PIEZO2: variants seen among roughly 807,000 people sequenced by gnomAD.
PIEZO2 encodes piezo type mechanosensitive ion channel component 2.
A neutral mutation model predicts 337.3 loss-of-function variants in PIEZO2; 172 were observed. The observed-to-expected ratio is 0.51, with a 90% confidence interval of 0.45 to 0.58. The LOEUF is 0.58. Ranked by LOEUF, PIEZO2 falls within the 20% of genes least tolerant of loss-of-function variation. The pLI is 0.00. For synonymous variants in PIEZO2, 1,251 were observed against 1,228.5 expected (o/e 1.02, Z -0.38); for missense variants, 3,028 against 3,391.3 (o/e 0.89, Z 2.66).
At chr18:11,121,216 C>G (rs947510694) in intron 1 of PIEZO2, among the ~76,000 whole-genome samples, 1 of 150,876 alleles carries the variant, frequency 6.6e-6, no homozygotes, top group African/African-American at 2.4e-5. Flanking sequence ...CGGGCCACTG[C>G]GTTCCATCCT....
intron 4 of PIEZO2, among the ~76,000 whole-genome samples, chr18:10,909,909 G>A (rs1164681895): frequency 6.6e-6 from 1 of 152,192 alleles, no homozygotes; most frequent in Non-Finnish European, 1.5e-5. Flanking sequence ...AGCAAACAGC[G>A]ATGGTGCTGA....
At chr18:10,957,579 A>G (rs994513723) in intron 3 of PIEZO2, among the ~76,000 whole-genome samples, 6 of 152,190 alleles carry the variant, frequency 3.9e-5, no homozygotes, top group Admixed American at 2.0e-4. Flanking sequence ...AAGAAAAAAT[A>G]AGGAAAAAGC....
intron 8 of PIEZO2, among the ~76,000 whole-genome samples, chr18:10,804,811 A>G (rs1168166535): frequency 2.0e-5 from 3 of 152,162 alleles, no homozygotes; most frequent in Admixed American, 2.0e-4. Context: ...CATTAAATGC[A>G]CCAGGTCACC....
At chr18:10,951,815 T>TATC (rs1172309465) in intron 3 of PIEZO2, among the ~76,000 whole-genome samples, 1 of 152,208 alleles carries the variant, frequency 6.6e-6, no homozygotes, top group African/African-American at 2.4e-5. Flanking sequence ...GTAGCTTACT[T>TATC]ATCTATCATT....
At chr18:11,061,377 T>C (rs1434223907) in intron 2 of PIEZO2, among the ~76,000 whole-genome samples, 1 of 150,408 alleles carries the variant, frequency 6.6e-6, no homozygotes, top group Non-Finnish European at 1.5e-5. Flanking sequence ...ACCACTCCTA[T>C]TCAACATAGT....
At chr18:10,967,017 TG>T (rs199847159) in intron 3 of PIEZO2, among the ~76,000 whole-genome samples, 2,708 of 137,338 alleles carry the variant, frequency 0.02, 206 homozygotes, top group African/African-American at 0.071. Flanking sequence ...CTCTGTTTTT[TG>T]TTTTTTTTTT....
intron 51 of PIEZO2, 83 bp downstream of exon 51, chr18:10,681,578 C>A: frequency 1.7e-6 from 2 of 1,179,938 alleles, no homozygotes; most frequent in Non-Finnish European, 1.2e-6. Flanking sequence ...CCACCTCAGG[C>A]CATGGCAAAG....
At chr18:10,858,009 T>C (rs76126403) in intron 5 of PIEZO2, among the ~76,000 whole-genome samples, 3 of 137,194 alleles carry the variant, frequency 2.2e-5, no homozygotes, top group South Asian at 2.2e-4. Flanking sequence ...TTCTTTCTTT[T>C]TTTTTTTTTT....
At chr18:10,808,398 C>A (rs200907535) in intron 7 of PIEZO2, among the ~76,000 whole-genome samples, 1 of 151,846 alleles carries the variant, frequency 6.6e-6, no homozygotes, top group African/African-American at 2.4e-5. Flanking sequence ...AGCCTGTTTG[C>A]ACTTTTATAT....
At chr18:10,905,690 G>T (rs1214654730) in intron 4 of PIEZO2, among the ~76,000 whole-genome samples, 1 of 151,896 alleles carries the variant, frequency 6.6e-6, no homozygotes, top group Non-Finnish European at 1.5e-5. Flanking sequence ...AGTACTGTGA[G>T]TTGTAGTGAC....
chr18:11,020,818 C>G lies in PIEZO2; in HGVS notation c.161-41158G>C, dbSNP rs138244313. On this transcript the variant is annotated intron_variant, in intron 2 of 55. Transcript: ENST00000674853. ...GAGAGCTTTCGGAATACTTGACATT[C>G]GTTGTTTTATAAGAAAGTTACTGTT... Among the ~76,000 whole-genome samples the G allele has an allele frequency of 3.0e-3, 451 of 152,294 alleles. 3 individuals carry two copies. Among genetic ancestry groups the G allele is most frequent in the African/African-American group, 0.01 (419 of 41,564 alleles).
chr18:10,836,810 CT>C (rs2041028839), intron 7 of PIEZO2, among the ~76,000 whole-genome samples: 1 of 152,182 alleles, frequency 6.6e-6, no homozygotes, highest in Non-Finnish European at 1.5e-5. Context: ...TGAACTGGAT[CT>C]CTTAAGGGGA....
At chr18:10,760,855 A>T in intron 24 of PIEZO2, 56 bp downstream of exon 24, 1 of 1,408,318 alleles carries the variant, frequency 7.1e-7, no homozygotes, top group South Asian at 1.3e-5. Context: ...GGCCAGAAGC[A>T]GTTCTTTGAA....
intron 27 of PIEZO2, 122 bp downstream of exon 27, chr18:10,757,847 A>G: frequency 9.4e-7 from 1 of 1,067,860 alleles, no homozygotes; most frequent in Non-Finnish European, 1.3e-6. Context: ...AGCATTTATT[A>G]ACTTCAGTGT....
At position 10,691,373 on chromosome 18, in the gene PIEZO2, G is replaced by C. The variant is rs1321201971; in HGVS notation, c.7201C>G (p.Gln2401Glu). 1 of 1,612,060 alleles carries C rather than the reference G, an allele frequency of 6.2e-7. No individual in the cohort carries two copies. Among genetic ancestry groups the C allele is most frequent in the Non-Finnish European group, 8.5e-7 (1 of 1,179,304 alleles). Residue 2401 changes from glutamine (Q) to glutamate (E), a missense_variant, in exon 48 of 56, where the codon CAG becomes GAG. This residue lies in a region of PIEZO2 where 179 missense variants were observed against 281.8 expected (regional missense o/e 0.64). Transcript: ENST00000674853. ...LPGVTERKFS[Q>E]NLVAQLWYFV... is the part of the protein sequence containing the mutation. The stretch of plus-strand genomic sequence containing the variant: ...TACCAAAGCTGGGCAACCAGGTTCT[G>C]GCTGAATTTCCTAAAATGTAAAAGT...
At position 10,877,054 on chromosome 18, in the gene PIEZO2, G is replaced by A. The variant is rs1598617155; in HGVS notation, c.330-5639C>T. ...CCTATGAATATCCATGAAAACTCAT[G>A]TTGCTGGGAAGCCCCACTAAGAAAT... On this transcript the variant is annotated intron_variant, in intron 4 of 55. Coordinates refer to ENST00000674853, the MANE Select transcript of PIEZO2 (RefSeq NM_001378183.1). The surrounding 1 kb of genome is among the most constrained non-coding windows in gnomAD (Gnocchi z 5.3). Among the ~76,000 whole-genome samples the A allele has an allele frequency of 6.6e-6, 1 of 152,172 alleles. No individual in the cohort carries two copies. The highest frequency in any genetic ancestry group is 2.4e-5 in the African/African-American group (1 of 41,438).
chr18:10,931,399 T>A (rs1171479065), intron 3 of PIEZO2, among the ~76,000 whole-genome samples: 3 of 151,988 alleles, frequency 2.0e-5, no homozygotes, highest in Admixed American at 6.6e-5. Flanking sequence ...CAGGGTTTCA[T>A]CATGTTAGCC....
chr18:10,848,125 A>G (rs920939482), intron 7 of PIEZO2, among the ~76,000 whole-genome samples: 4 of 152,226 alleles, frequency 2.6e-5, no homozygotes, highest in Admixed American at 6.5e-5. Flanking sequence ...ATTCATTTCA[A>G]TAACCGGATT....
In PIEZO2 at chr18:11,026,836, G is replaced by A. The variant is rs756140232; in HGVS notation, c.160+39291C>T. On this transcript the variant is annotated intron_variant, in intron 2 of 55. Transcript: ENST00000674853. ...CATAAGTGGATTAGAACATGGACCA[G>A]ATCACATTCATTTTTGTGTATTTAG... Among the ~76,000 whole-genome samples, 5 of 152,276 alleles carry A rather than the reference G, an allele frequency of 3.3e-5. No individual in the cohort carries two copies. The East Asian group carries it at 7.7e-4, about 23-fold the overall frequency.
Sources: allele counts gnomAD v4.1 joint callset (sites outside exome capture counted in the v4.1 genomes callset), GRCh38; gene constraint gnomAD v4.1.1; regional missense constraint gnomAD v4.1.1; non-coding constraint Gnocchi (gnomAD v3.1); transcripts MANE v1.5; gene names NCBI Gene and HGNC (gene_info 2026-07-23, HGNC 2026-07-21).